Variants in SCAPER observed in about 807,000 individuals in gnomAD.
SCAPER encodes the protein S phase cyclin A-associated protein in the endoplasmic reticulum.
Under a neutral mutation model 182.2 loss-of-function variants are expected in SCAPER, and 98 were observed. The ratio of observed to expected loss-of-function variants is 0.54; its 90% CI spans 0.46 to 0.64. SCAPER has a LOEUF of 0.64. Ranked by LOEUF, SCAPER falls within the 30% of genes least tolerant of loss-of-function variation. The pLI is 0.00. For missense variants in SCAPER, 1,432 were observed against 1,690.0 expected (o/e 0.85, Z 2.68); for synonymous variants, 605 against 564.6 (o/e 1.07, Z -1.01).
rs74887538 is a variant in SCAPER, at chr15:76,861,678, A to G, written c.124+738T>C. 8.7e-3 allele frequency among the ~76,000 whole-genome samples: 1,327 copies of G among 152,352 alleles called. 16 individuals carry two copies. Among genetic ancestry groups the G allele is most frequent in the African/African-American group, 0.03 (1,257 of 41,572 alleles). On this transcript the variant is annotated intron_variant, in intron 3 of 31. Coordinates refer to ENST00000563290, the MANE Select transcript of SCAPER (RefSeq NM_020843.4). ...CTTCTATTTTCTAAAGTATTACATTAAATTGCACCTAATTATGGTAAATAT... is the reference window on the plus strand; with the variant it reads ...CTTCTATTTTCTAAAGTATTACATTGAATTGCACCTAATTATGGTAAATAT...
chr15:76,638,647 T>A (rs1461385920), intron 21 of SCAPER, among the ~76,000 whole-genome samples: 1 of 152,216 alleles, frequency 6.6e-6, no homozygotes, highest in East Asian at 1.9e-4. Flanking sequence ...TGTGGTGAAT[T>A]ATACTGATTG....
At chr15:76,803,986 T>C (rs1259298822) in intron 6 of SCAPER, among the ~76,000 whole-genome samples, 4 of 152,246 alleles carry the variant, frequency 2.6e-5, no homozygotes, top group Admixed American at 6.5e-5. Flanking sequence ...TCTCGTATTA[T>C]TCCCCTAATC....
intron 22 of SCAPER, among the ~76,000 whole-genome samples, chr15:76,594,745 A>G (rs1230627684): frequency 8.2e-6 from 1 of 121,528 alleles, no homozygotes; most frequent in Non-Finnish European, 2.0e-5. Context: ...TAAGCAAAGG[A>G]GAAATAAAAT....
intron 25 of SCAPER, among the ~76,000 whole-genome samples, chr15:76,436,466 T>C (rs1567135603): frequency 6.6e-6 from 1 of 152,206 alleles, no homozygotes; most frequent in Non-Finnish European, 1.5e-5. Flanking sequence ...CTTTGGAGAC[T>C]TCCTTATTTT....
intron 26 of SCAPER, among the ~76,000 whole-genome samples, chr15:76,416,287 C>T (rs1164987217): frequency 6.8e-6 from 1 of 146,412 alleles, no homozygotes; most frequent in Non-Finnish European, 1.5e-5. Flanking sequence ...CCAGCTTGGC[C>T]AATATGGTGA....
chr15:76,844,474 A>C (rs1352199666), intron 4 of SCAPER, among the ~76,000 whole-genome samples: 2 of 152,128 alleles, frequency 1.3e-5, no homozygotes, highest in African/African-American at 4.8e-5. Flanking sequence ...CAGATTAAGA[A>C]GCTCTCCAAG....
intron 17 of SCAPER, among the ~76,000 whole-genome samples, chr15:76,715,064 G>A (rs2059816198): frequency 6.6e-6 from 1 of 152,094 alleles, no homozygotes; most frequent in African/African-American, 2.4e-5. Context: ...CAGAGGTGTT[G>A]AATTCTAGTT....
chr15:76,810,670 T>C (rs1303599145), intron 5 of SCAPER, among the ~76,000 whole-genome samples: 1 of 151,678 alleles, frequency 6.6e-6, no homozygotes, highest in Non-Finnish European at 1.5e-5. Context: ...TCCTTATCAA[T>C]AATTATTTTA....
At chr15:76,749,138 A>C (rs935496531) in intron 15 of SCAPER, among the ~76,000 whole-genome samples, 4 of 151,748 alleles carry the variant, frequency 2.6e-5, no homozygotes, top group African/African-American at 7.3e-5. Context: ...AAATTCACCA[A>C]TACACAAAAA....
chr15:76,682,803 T>C (rs2057805874), intron 20 of SCAPER, among the ~76,000 whole-genome samples: 1 of 152,054 alleles, frequency 6.6e-6, no homozygotes, highest in Non-Finnish European at 1.5e-5. Context: ...AGTTGAGCTC[T>C]GGCCCCCTAA....
rs148384033 is a variant in SCAPER at position 76,539,982 on chromosome 15, A to G, written c.2838+34176T>C. Among the ~76,000 whole-genome samples, 14 of 152,298 alleles carry G rather than the reference A, an allele frequency of 9.2e-5. No individual in the cohort carries two copies. In the East Asian group the frequency reaches 2.7e-3, roughly 29 times the overall value. On this transcript the variant is annotated intron_variant, in intron 23 of 31. Coordinates refer to ENST00000563290, the MANE Select transcript of SCAPER (RefSeq NM_020843.4). Reference sequence around the variant, plus strand: ...CTGAAAACAATTCAAACAAATGTCAATCAATAGGGAAACAGTTAAATAAGT... The same window carrying G: ...CTGAAAACAATTCAAACAAATGTCAGTCAATAGGGAAACAGTTAAATAAGT...
chr15:76,892,213 T>G (rs939402744), intron 1 of SCAPER, among the ~76,000 whole-genome samples: 1 of 152,034 alleles, frequency 6.6e-6, no homozygotes, highest in African/African-American at 2.4e-5. Context: ...CCTAAAACCA[T>G]AAAAACTCTA....
chr15:76,488,066 A>T (rs989026048), intron 24 of SCAPER, among the ~76,000 whole-genome samples: 2 of 152,150 alleles, frequency 1.3e-5, no homozygotes, highest in Non-Finnish European at 2.9e-5. Flanking sequence ...TACCTTCTGA[A>T]TTTGTAATAA....
At position 76,728,713 on chromosome 15, in the gene SCAPER, C is replaced by A; in HGVS notation, c.2047G>T (p.Glu683Ter). 1 of 1,613,332 alleles carries A rather than the reference C, an allele frequency of 6.2e-7. No individual in the cohort carries two copies. Among genetic ancestry groups the A allele is most frequent in the East Asian group, 2.2e-5 (1 of 44,840 alleles). ...AATTCTTCTACACGGGCCTGCCGCT[C>A]TGCCTCTAGAGCTCTCTTGCGTTCC... ...VQERKRALEA[E>*]RQARVEELLM... Residue 683 changes from glutamate to a stop codon, truncating the protein, a stop_gained, in exon 17 of 32, where the codon GAG becomes TAG. Coordinates refer to ENST00000563290, the MANE Select transcript of SCAPER (RefSeq NM_020843.4). LOFTEE classifies it high-confidence loss of function.
intron 25 of SCAPER, among the ~76,000 whole-genome samples, chr15:76,458,280 C>T (rs1240860969): frequency 1.3e-5 from 2 of 148,978 alleles, no homozygotes; most frequent in East Asian, 2.0e-4. Context: ...TGTGTGTGTG[C>T]GTGTATATAA....
intron 2 of SCAPER, among the ~76,000 whole-genome samples, chr15:76,879,280 C>G: frequency 6.6e-6 from 1 of 152,212 alleles, no homozygotes; most frequent in Non-Finnish European, 1.5e-5. Context: ...TCTCTACATC[C>G]TCCTTTCCTA....
At chr15:76,775,188 A>G (rs2063676046) in intron 8 of SCAPER, 71 bp from the exon 9 acceptor site, 1 of 1,381,752 alleles carries the variant, frequency 7.2e-7, no homozygotes, top group East Asian at 2.5e-5. Flanking sequence ...CTCATAGAAT[A>G]AAAACATTTT....
intron 20 of SCAPER, 133 bp downstream of exon 20, chr15:76,701,625 G>T: frequency 1.6e-6 from 1 of 633,926 alleles, no homozygotes; most frequent in Non-Finnish European, 2.7e-6. Context: ...ACACTATATT[G>T]TAGTAGCTAT....
chr15:76,691,499 T>G (rs1476644470), intron 20 of SCAPER, among the ~76,000 whole-genome samples: 1 of 151,926 alleles, frequency 6.6e-6, no homozygotes, highest in Admixed American at 6.6e-5. Flanking sequence ...AATTGAAAAA[T>G]AGAGAAATAT....
Sources: gnomAD v4.1 joint callset for allele counts (sites outside exome capture counted in the v4.1 genomes callset) on GRCh38, gnomAD v4.1.1 for gene constraint, MANE v1.5 for transcripts, NCBI Gene and HGNC (gene_info 2026-07-23, HGNC 2026-07-21) for gene names.